The following KLF15 variants were observed in gnomAD, a reference collection of about 807,000 sequenced individuals.
KLF15 encodes the protein Krueppel-like factor 15.
Under a neutral mutation model 24.6 loss-of-function variants are expected in KLF15, and 4 were observed. That is an observed-to-expected ratio of 0.16 (90% CI 0.08 to 0.37). The LOEUF (loss-of-function observed/expected upper bound fraction) is 0.37. Among genes scored for constraint, KLF15 ranks in the 10% least tolerant of loss-of-function variants. The pLI, the probability that KLF15 is intolerant of heterozygous loss-of-function variation, is 1.00. For synonymous variants in KLF15, 246 were observed against 236.3 expected (o/e 1.04, Z -0.37); for missense variants, 496 against 560.6 (o/e 0.88, Z 1.16).
intron 2 of KLF15, among the ~76,000 whole-genome samples, chr3:126,349,952 C>A (rs780024778): frequency 6.6e-6 from 1 of 152,202 alleles, no homozygotes; most frequent in African/African-American, 2.4e-5. Context: ...GAGTTTGTAT[C>A]CTTATGATGT....
chr3:126,323,348 A>G, the KLF15 span, among the ~76,000 whole-genome samples: 1 of 137,832 alleles, frequency 7.3e-6, no homozygotes, highest in African/African-American at 2.7e-5. Context: ...CTTTACTCCA[A>G]ACATCAGTGC....
chr3:126,342,183 G>A (rs775196547), downstream of KLF15, among the ~76,000 whole-genome samples: 8 of 152,168 alleles, frequency 5.3e-5, no homozygotes, highest in South Asian at 2.1e-4. Context: ...AATTACCCAC[G>A]CCAGTAGGAA....
the KLF15 span, among the ~76,000 whole-genome samples, chr3:126,298,113 TA>T: frequency 6.2e-3 from 938 of 152,270 alleles, 11 homozygotes; most frequent in African/African-American, 0.022. Flanking sequence ...CAACATCTAT[TA>T]TTTTTTTATT....
the KLF15 span, among the ~76,000 whole-genome samples, chr3:126,329,444 C>G: frequency 2.0e-5 from 3 of 152,116 alleles, no homozygotes; most frequent in African/African-American, 4.8e-5. Context: ...ATGATCCCAT[C>G]TCTGCACTCC....
chr3:126,296,394 A>T, the KLF15 span, among the ~76,000 whole-genome samples: 1 of 152,240 alleles, frequency 6.6e-6, no homozygotes, highest in Non-Finnish European at 1.5e-5. Flanking sequence ...TTTTTAATAC[A>T]GACGGGGTTT....
At chr3:126,341,287 T>C (rs1011175828), downstream of KLF15, among the ~76,000 whole-genome samples, 5 of 152,180 alleles carry the variant, frequency 3.3e-5, no homozygotes, top group African/African-American at 1.2e-4. Flanking sequence ...CAGCAGGATG[T>C]TGGGACACAC....
At chr3:126,289,430 A>T in the KLF15 span, among the ~76,000 whole-genome samples, 2 of 152,236 alleles carry the variant, frequency 1.3e-5, no homozygotes, top group African/African-American at 4.8e-5. Flanking sequence ...GCCAATGGTT[A>T]ATATCTGTGT....
At chr3:126,353,780 G>A (rs1446506930) in intron 1 of KLF15, among the ~76,000 whole-genome samples, 1 of 152,170 alleles carries the variant, frequency 6.6e-6, no homozygotes, top group African/African-American at 2.4e-5. Context: ...CCTCTCACCT[G>A]CACCCTGATG....
At position 126,343,485 on chromosome 3, in the gene KLF15, C is replaced by T; in HGVS notation, c.*242G>A. On this transcript the variant is annotated 3_prime_UTR_variant, in exon 3 of 3. Coordinates refer to ENST00000296233, the MANE Select transcript of KLF15 (RefSeq NM_014079.4). ...GGGAAGGCACGAAGGCACGAAGGCA[C>T]GAAGGCCTGCCTCCAGCCCCGTGCG... The T allele has an allele frequency of 2.1e-6, 1 of 480,790 alleles. No homozygotes were observed. 29.8% of individuals were successfully genotyped at this position (480,790 alleles called of 1,614,324 possible).
chr3:126,306,227 C>T, the KLF15 span, among the ~76,000 whole-genome samples: 1 of 152,176 alleles, frequency 6.6e-6, no homozygotes, highest in African/African-American at 2.4e-5. Context: ...CAGAGCACTT[C>T]TCTCTCCGCC....
chr3:126,310,984 C>G, the KLF15 span, among the ~76,000 whole-genome samples: 2 of 152,202 alleles, frequency 1.3e-5, no homozygotes, highest in African/African-American at 4.8e-5. Flanking sequence ...CCGCGGCCCA[C>G]TCTGGAGGCT....
the KLF15 span, among the ~76,000 whole-genome samples, chr3:126,317,163 G>A: frequency 1.3e-5 from 2 of 152,160 alleles, no homozygotes; most frequent in African/African-American, 4.8e-5. Flanking sequence ...TGCCCTGGGG[G>A]CTGGGCCGCA....
At chr3:126,301,610 C>CTTTTTTTTTTTTTTTTTTTTT in the KLF15 span, among the ~76,000 whole-genome samples, 3 of 132,282 alleles carry the variant, frequency 2.3e-5, no homozygotes, top group Non-Finnish European at 3.1e-5. Flanking sequence ...TTTTCTTTTT[C>CTTTTTTTTTTTTTTTTTTTTT]TTTTTTTTTT....
At chr3:126,303,023 A>G in the KLF15 span, among the ~76,000 whole-genome samples, 2 of 150,920 alleles carry the variant, frequency 1.3e-5, no homozygotes, top group African/African-American at 4.9e-5. Context: ...TTGTTGGCTT[A>G]TATCTATAAC....
the KLF15 span, among the ~76,000 whole-genome samples, chr3:126,330,764 T>C: frequency 6.6e-6 from 1 of 152,212 alleles, no homozygotes; most frequent in African/African-American, 2.4e-5. Flanking sequence ...GGTTGCTTCT[T>C]TAACCTACCT....
rs2082499932 is a variant in KLF15, at chr3:126,343,509, C to T, written c.*218G>A. On this transcript the variant is annotated 3_prime_UTR_variant, in exon 3 of 3. Transcript: ENST00000296233. Reference sequence around the variant, plus strand: ...ACGAAGGCCTGCCTCCAGCCCCGTGCGCCTGGGGCCCAGCCCCCAGGGACG... The same window carrying T: ...ACGAAGGCCTGCCTCCAGCCCCGTGTGCCTGGGGCCCAGCCCCCAGGGACG... 2 of 521,118 alleles carry T rather than the reference C, an allele frequency of 3.8e-6. No homozygotes were observed. Among genetic ancestry groups the T allele is most frequent in the Non-Finnish European group, 6.7e-6 (2 of 300,532 alleles). The allele number at this position is 521,118 out of a possible 1,614,324, so 32.3% of individuals were successfully genotyped here.
chr3:126,294,746 T>G, the KLF15 span, among the ~76,000 whole-genome samples: 1 of 151,974 alleles, frequency 6.6e-6, no homozygotes, highest in East Asian at 1.9e-4. Flanking sequence ...AAAATCGGGT[T>G]CCTTCTTTCC....
intron 2 of KLF15, among the ~76,000 whole-genome samples, chr3:126,347,947 G>A (rs570999230): frequency 2.0e-5 from 3 of 152,286 alleles, no homozygotes; most frequent in Admixed American, 2.0e-4. Context: ...TGGGCAGAAA[G>A]AGCATCCCAT....
chr3:126,349,159 A>C (rs910560867), intron 2 of KLF15, among the ~76,000 whole-genome samples: 2 of 152,084 alleles, frequency 1.3e-5, no homozygotes, highest in African/African-American at 4.8e-5. Flanking sequence ...CCAGGGTTTC[A>C]AGATCCCTGA....
Sources: allele counts gnomAD v4.1 joint callset (sites outside exome capture counted in the v4.1 genomes callset), GRCh38; gene constraint gnomAD v4.1.1; transcripts MANE v1.5; gene names NCBI Gene and HGNC (gene_info 2026-07-23, HGNC 2026-07-21).